DCAF17: variants seen among roughly 807,000 people sequenced by gnomAD.
The protein encoded by DCAF17 is DDB1 and CUL4 associated factor 17, also known as DDB1- and CUL4-associated factor 17.
A neutral mutation model predicts 66.0 loss-of-function variants in DCAF17; 48 were observed. That is an observed-to-expected ratio of 0.73 (90% CI 0.58 to 0.92). DCAF17 has a LOEUF of 0.92. Among genes scored for constraint, DCAF17 ranks in the 40% least tolerant of loss-of-function variants. The probability of loss-of-function intolerance (pLI) is 0.00; values close to 1 mark genes in which losing one functional copy is unlikely to be tolerated. For missense variants in DCAF17, 562 were observed against 622.8 expected (o/e 0.90, Z 1.04); for synonymous variants, 206 against 214.6 (o/e 0.96, Z 0.35).
intron 9 of DCAF17, among the ~76,000 whole-genome samples, chr2:171,470,885 A>C (rs1188524132): frequency 6.6e-6 from 1 of 152,212 alleles, no homozygotes; most frequent in Non-Finnish European, 1.5e-5. Flanking sequence ...TGGATTGGAA[A>C]TATTCAGAAA....
At chr2:171,445,207 C>T (rs1366240327) in intron 3 of DCAF17, among the ~76,000 whole-genome samples, 1 of 152,072 alleles carries the variant, frequency 6.6e-6, no homozygotes, top group Non-Finnish European at 1.5e-5. Flanking sequence ...TCACTGCAAC[C>T]TCTGCCTCCC....
rs752287637 is a variant in DCAF17, at chr2:171,473,932, G to C, written c.1048G>C (p.Asp350His). ...ATCTGACTGGATCTATTTCCATCCT[G>C]ATGCTTCTGGTAGAATAATACATGT... is the stretch of plus-strand genomic sequence containing the variant. Reference protein sequence around the residue: ...LESDWIYFHPDASGRIIHVGP... With the variant: ...LESDWIYFHPHASGRIIHVGP... The change falls in exon 10 of 14, where the codon GAT (aspartate) becomes CAT (histidine). Residue 350 changes from aspartate (D) to histidine (H), a missense_variant. This residue lies in a region of DCAF17 where 201 missense variants were observed against 231.1 expected (regional missense o/e 0.87). Transcript: ENST00000375255. The C allele has an allele frequency of 6.2e-7, 1 of 1,613,642 alleles. No homozygotes were observed. Among genetic ancestry groups the C allele is most frequent in the African/African-American group, 1.3e-5 (1 of 74,904 alleles).
intron 3 of DCAF17, chr2:171,447,447 A>G (rs1188002562): frequency 1.2e-5 from 3 of 252,488 alleles, no homozygotes; most frequent in Non-Finnish European, 2.4e-5. Context: ...CGCAACCTCC[A>G]CCTCCCGGGT....
intron 6 of DCAF17, among the ~76,000 whole-genome samples, chr2:171,456,434 G>T (rs1205716266): frequency 6.6e-6 from 1 of 152,214 alleles, no homozygotes; most frequent in African/African-American, 2.4e-5. Flanking sequence ...CAGATAGCAT[G>T]ATGTCTCCAG....
intron 8 of DCAF17, among the ~76,000 whole-genome samples, chr2:171,462,793 T>A (rs961635925): frequency 7.2e-5 from 11 of 152,206 alleles, no homozygotes; most frequent in Non-Finnish European, 1.2e-4. Context: ...TTGGAAACAA[T>A]CTATACATTG....
intron 8 of DCAF17, among the ~76,000 whole-genome samples, chr2:171,463,172 G>A (rs552607309): frequency 7.9e-5 from 12 of 151,636 alleles, no homozygotes; most frequent in South Asian, 4.2e-4. Context: ...CAGAGGTTGC[G>A]GTGAGTGAGA....
chr2:171,447,404 A>G, intron 3 of DCAF17: 1 of 344,894 alleles, frequency 2.9e-6, no homozygotes, highest in Non-Finnish European at 5.7e-6. Flanking sequence ...TTCTGTCGCC[A>G]GGCTGGAGTG....
intron 13 of DCAF17, among the ~76,000 whole-genome samples, chr2:171,480,742 G>A (rs1211731683): frequency 6.6e-6 from 1 of 152,110 alleles, no homozygotes; most frequent in East Asian, 1.9e-4. Flanking sequence ...TAGAATCTGG[G>A]TATTTAGACT....
At position 171,482,541 on chromosome 2, in the gene DCAF17, T is replaced by C. The variant is rs1342137318; in HGVS notation, c.*1427T>C. ...ACCAGTAAGAGGCCAGTGAAAGTAC[T>C]AAAGAAAGAAACCAATGTTGTGTGA... is the stretch of plus-strand genomic sequence containing the variant. On this transcript the variant is annotated 3_prime_UTR_variant, in exon 14 of 14. Coordinates refer to ENST00000375255, the MANE Select transcript of DCAF17 (RefSeq NM_025000.4). The C allele has an allele frequency of 6.6e-6, 3 of 453,970 alleles. No individual in the cohort carries two copies. Among genetic ancestry groups the C allele is most frequent in the African/African-American group, 6.0e-5 (3 of 50,000 alleles). The allele number at this position is 453,970 out of a possible 1,614,324, so 28.1% of individuals were successfully genotyped here.
intron 10 of DCAF17, chr2:171,474,496 T>C (rs918176107): frequency 2.4e-5 from 4 of 166,966 alleles, no homozygotes; most frequent in African/African-American, 9.6e-5. Context: ...ATGTTCTTCC[T>C]TCTCTACCCA....
At chr2:171,468,814 T>C in intron 8 of DCAF17, 74 bp from the exon 9 acceptor site, 1 of 1,583,792 alleles carries the variant, frequency 6.3e-7, no homozygotes, top group Non-Finnish European at 8.7e-7. Context: ...CAAAGAAAGG[T>C]TGAATTCAGT....
chr2:171,445,466 C>CT (rs1694563895), intron 3 of DCAF17, among the ~76,000 whole-genome samples: 1 of 152,124 alleles, frequency 6.6e-6, no homozygotes. Flanking sequence ...CTCATTTCAA[C>CT]TGCAGCAAGA....
At chr2:171,454,250 T>C (rs538320871) in intron 6 of DCAF17, among the ~76,000 whole-genome samples, 3 of 151,896 alleles carry the variant, frequency 2.0e-5, no homozygotes, top group Non-Finnish European at 4.4e-5. Flanking sequence ...TAAAACAGAT[T>C]GGCTACTTTA....
rs1574399098 is a variant in DCAF17, at chr2:171,474,194, A to G, written c.1091+219A>G. The G allele has an allele frequency of 7.2e-6, 4 of 554,948 alleles. No homozygotes were observed. The East Asian group carries it at 9.6e-5, about 13-fold the overall frequency. The allele number at this position is 554,948 out of a possible 1,614,324, so 34.4% of individuals were successfully genotyped here. Reference sequence around the variant, plus strand: ...TAAATTTGAAAACGTTATTTGATGGATGATATGCAAGTAAAAGGGAATTAC... The same window carrying G: ...TAAATTTGAAAACGTTATTTGATGGGTGATATGCAAGTAAAAGGGAATTAC... On this transcript the variant is annotated intron_variant, in intron 10 of 13. Transcript: ENST00000375255.
intron 13 of DCAF17, among the ~76,000 whole-genome samples, 176 bp from the exon 14 acceptor site, chr2:171,480,798 T>C (rs1012471911): frequency 5.3e-5 from 8 of 152,178 alleles, no homozygotes; most frequent in African/African-American, 1.9e-4. Flanking sequence ...GTAGAATGCC[T>C]TTTTTGTTAA....
intron 8 of DCAF17, among the ~76,000 whole-genome samples, chr2:171,466,350 G>T (rs1695897832): frequency 6.6e-6 from 1 of 152,246 alleles, no homozygotes; most frequent in Non-Finnish European, 1.5e-5. Flanking sequence ...ACCTTTCACA[G>T]ATTTTAAGTA....
chr2:171,451,570 TTTTTG>T (rs908191104), intron 5 of DCAF17, among the ~76,000 whole-genome samples: 37 of 152,136 alleles, frequency 2.4e-4, no homozygotes, highest in African/African-American at 5.3e-4. Context: ...AGAGCAAGAA[TTTTTG>T]TTTTGTTTTG....
At position 171,476,856 on chromosome 2, in the gene DCAF17, T is replaced by C. The variant is rs1696521489; in HGVS notation, c.1092-4T>C. On this transcript the variant is annotated splice_region_variant and splice_polypyrimidine_tract_variant and intron_variant, in intron 10 of 13. Coordinates refer to ENST00000375255, the MANE Select transcript of DCAF17 (RefSeq NM_025000.4). ...GGTTCTCAGAATCCTTTTTCCCTTC[T>C]CAGAGTTTTGAAGCTAACTGAAATA... 1.9e-6 allele frequency: 3 copies of C among 1,611,236 alleles called. No individual in the cohort carries two copies. In the African/African-American group the frequency reaches 4.0e-5, roughly 22 times the overall value.
Position 171,481,864 on chromosome 2 carries a change from C to T in DCAF17, c.*750C>T, listed in dbSNP as rs766924280. Reference sequence around the variant, plus strand: ...CTCTTAATGTATCTAAGGATGTTCTCATCTCACCATTCTACTCATTTAGTG... The same window carrying T: ...CTCTTAATGTATCTAAGGATGTTCTTATCTCACCATTCTACTCATTTAGTG... On this transcript the variant is annotated 3_prime_UTR_variant, in exon 14 of 14. Transcript: ENST00000375255. The T allele has an allele frequency of 3.7e-5, 17 of 453,906 alleles. No individual in the cohort carries two copies. Among genetic ancestry groups the T allele is most frequent in the Non-Finnish European group, 4.0e-5 (9 of 226,742 alleles). The allele number at this position is 453,906 out of a possible 1,614,324, so 28.1% of individuals were successfully genotyped here. A position where few individuals can be genotyped will look rare whatever the true frequency, so the allele number is the denominator to read the frequency against.
Sources: allele counts gnomAD v4.1 joint callset (sites outside exome capture counted in the v4.1 genomes callset), GRCh38; gene constraint gnomAD v4.1.1; regional missense constraint gnomAD v4.1.1; transcripts MANE v1.5; gene names NCBI Gene and HGNC (gene_info 2026-07-23, HGNC 2026-07-21).